Variants in ANKRD24 observed in about 807,000 individuals in gnomAD.
ANKRD24 encodes the protein ankyrin repeat domain 24.
Under a neutral mutation model 127.8 loss-of-function variants are expected in ANKRD24, and 109 were observed. That is an observed-to-expected ratio of 0.85 (90% CI 0.73 to 1.00). ANKRD24 has a LOEUF of 1.00. Ranked by LOEUF, ANKRD24 falls within the 50% of genes least tolerant of loss-of-function variation. ANKRD24 has a pLI of 0.00. For synonymous variants in ANKRD24, 743 were observed against 671.1 expected (o/e 1.11, Z -1.66); for missense variants, 1,648 against 1,570.2 (o/e 1.05, Z -0.84).
In ANKRD24 at chr19:4,218,145, C is replaced by G. The variant is rs765503995; in HGVS notation, c.2985C>G (p.Thr995=). 1 of 1,525,616 alleles carries G rather than the reference C, an allele frequency of 6.6e-7. No homozygotes were observed. The highest frequency in any genetic ancestry group is 8.8e-7 in the Non-Finnish European group (1 of 1,137,136). The allele number at this position is 1,525,616 out of a possible 1,614,324, so 94.5% of individuals were successfully genotyped here. The change falls in exon 18 of 22, where the codon ACC becomes ACG. Residue 995 remains threonine (T), a synonymous_variant. Coordinates refer to ENST00000318934, the MANE Select transcript of ANKRD24 (RefSeq NM_001393985.1). ...AGCTGGGACGGCGGCATGAGAAGAC[C>G]AGCGCAGAGGTCTTCCAGGTGAGCA... ...LEELGRRHEK[T]SAEVFQVQRE...
chr19:4,220,512 A>G (rs116820744), intron 19 of ANKRD24, among the ~76,000 whole-genome samples: 6,172 of 152,220 alleles, frequency 0.041, 324 homozygotes, highest in African/African-American at 0.13. Context: ...AACAGCCTCC[A>G]GGTGTTAGAT....
intron 7 of ANKRD24, 63 bp from the exon 8 acceptor site, chr19:4,207,179 C>A: frequency 6.8e-7 from 1 of 1,479,874 alleles, no homozygotes; most frequent in Non-Finnish European, 9.4e-7. Flanking sequence ...CTGCCTTGGC[C>A]TCCCAAGGTG....
Position 4,198,233 on chromosome 19 carries a change from G to C in ANKRD24, c.37-1450G>C. Reference sequence around the variant, plus strand: ...CGACAAGGTCAGGAGGGGCCGGGGCGGCGCCCCTTCCCTCAGCCCCCAGCC... The same window carrying C: ...CGACAAGGTCAGGAGGGGCCGGGGCCGCGCCCCTTCCCTCAGCCCCCAGCC... On this transcript the variant is annotated intron_variant, in intron 2 of 21. Transcript: ENST00000318934. The surrounding 1 kb of genome is among the most constrained non-coding windows in gnomAD (Gnocchi z 6.1). The C allele has an allele frequency of 2.0e-6, 1 of 509,588 alleles. No homozygotes were observed. The allele number at this position is 509,588 out of a possible 1,614,324, so 31.6% of individuals were successfully genotyped here.
chr19:4,209,909 A>T (rs1969610212), intron 11 of ANKRD24, 149 bp from the exon 12 acceptor site: 1 of 584,476 alleles, frequency 1.7e-6, no homozygotes, highest in East Asian at 2.8e-5. Context: ...CTTTGCTGGG[A>T]TAAGTAAGCG....
Position 4,198,745 on chromosome 19 carries a change from CTT to C in ANKRD24, c.37-936_37-935del, listed in dbSNP as rs1968920567. Among the ~76,000 whole-genome samples, 2 of 152,102 alleles carry C rather than the reference CTT, an allele frequency of 1.3e-5. No individual in the cohort carries two copies. Among genetic ancestry groups the C allele is most frequent in the African/African-American group, 4.8e-5 (2 of 41,424 alleles). ...ACATGTGGACACGTTTTGGAAGACT[CTT>C]TGAAACAAATGGGGACATTTAGGAA... On this transcript the variant is annotated intron_variant, in intron 2 of 21. Coordinates refer to ENST00000318934, the MANE Select transcript of ANKRD24 (RefSeq NM_001393985.1). The surrounding 1 kb of genome is among the most constrained non-coding windows in gnomAD (Gnocchi z 6.1).
intron 15 of ANKRD24, among the ~76,000 whole-genome samples, chr19:4,215,465 C>CAA (rs61437900): frequency 1.4e-4 from 16 of 116,914 alleles, no homozygotes; most frequent in African/African-American, 5.6e-4. Flanking sequence ...AGCCTGGGGG[C>CAA]AAAAAAAAAA....
At chr19:4,200,051 C>T in intron 4 of ANKRD24, 32 bp from the exon 5 acceptor site, 2 of 1,570,134 alleles carry the variant, frequency 1.3e-6, no homozygotes, top group Non-Finnish European at 1.7e-6. Context: ...GGGTGGCAAC[C>T]TTGCGGCTGA....
intron 2 of ANKRD24, among the ~76,000 whole-genome samples, chr19:4,190,425 A>G (rs7343066): frequency 1.4e-3 from 181 of 133,230 alleles, no homozygotes; most frequent in African/African-American, 4.2e-3. Context: ...CTCCGTCTCG[A>G]AAAAAAAAAA....
intron 15 of ANKRD24, among the ~76,000 whole-genome samples, chr19:4,214,746 C>T (rs1459041873): frequency 1.3e-5 from 2 of 152,058 alleles, no homozygotes; most frequent in Non-Finnish European, 1.5e-5. Context: ...CCCAGCTACT[C>T]GGGAGGCTAA....
At position 4,216,996 on chromosome 19, in the gene ANKRD24, A is replaced by G. The variant is rs189604473; in HGVS notation, c.1836A>G (p.Thr612=). The G allele has an allele frequency of 6.2e-7, 1 of 1,613,532 alleles. No homozygotes were observed. Among genetic ancestry groups the G allele is most frequent in the East Asian group, 2.2e-5 (1 of 44,876 alleles). The part of the protein sequence containing the change: ...TGAEVREMET[T]EEEANMETKP... ...CTGAGGTCAGAGAAATGGAGACCAC[A>G]GAAGAAGAAGCAAACATGGAAACTA... The change falls in exon 18 of 22, where the codon ACA becomes ACG. Residue 612 remains threonine (T), a synonymous_variant. Transcript: ENST00000318934.
Position 4,198,432 on chromosome 19 carries a change from C to T in ANKRD24, c.37-1251C>T, listed in dbSNP as rs1462635079. 4 of 593,356 alleles carry T rather than the reference C, an allele frequency of 6.7e-6. No individual in the cohort carries two copies. The highest frequency in any genetic ancestry group is 9.1e-6 in the Non-Finnish European group (3 of 330,342). 36.8% of individuals were successfully genotyped at this position (593,356 alleles called of 1,614,324 possible). ...GCCGCTCCCCGCGGTCCCTCCAGAC[C>T]CTCTGGCCGCCGCCTCCTCTTGGAA... is the stretch of plus-strand genomic sequence containing the variant. On this transcript the variant is annotated intron_variant, in intron 2 of 21. Transcript: ENST00000318934. This position sits in a 1 kb window ranked among gnomAD's most constrained non-coding sequence, Gnocchi z 6.1.
rs751759922 is a variant in ANKRD24 at position 4,224,135 on chromosome 19, C to T, written c.3306C>T (p.Ala1102=). The change falls in exon 21 of 22, where the codon GCC becomes GCT. Residue 1102 remains alanine (A), a synonymous_variant. Coordinates refer to ENST00000318934, the MANE Select transcript of ANKRD24 (RefSeq NM_001393985.1). The part of the protein sequence containing the change: ...KDLQQQLQEA[A]RDHSSVVALY... ...CTTCCTCATGCCCACAGGAAGCTGC[C>T]AGGGACCACTCCAGCGTGGTGGCTT... is the stretch of plus-strand genomic sequence containing the variant. 5.5e-5 allele frequency: 89 copies of T among 1,612,726 alleles called. 1 individual carries two copies. The South Asian group carries it at 9.5e-4, about 17-fold the overall frequency.
Position 4,210,117 on chromosome 19 carries a change from TC to T in ANKRD24, c.933del (p.Ala312ProfsTer16). On this transcript the variant is annotated frameshift_variant, in exon 12 of 22. Coordinates refer to ENST00000318934, the MANE Select transcript of ANKRD24 (RefSeq NM_001393985.1). LOFTEE classifies it high-confidence loss of function. ...CCAAGAAGCGGAAGGCGCCTCCACC[TC>T]CCGCCAGCATTCCCATGCCGGTGAG... ...APKKRKAPPPPASIPMPDDRD... is the reference protein window; with the variant it reads ...APKKRKAPPPXASIPMPDDRD... The T allele has an allele frequency of 6.2e-7, 1 of 1,609,834 alleles. No individual in the cohort carries two copies.
intron 7 of ANKRD24, among the ~76,000 whole-genome samples, chr19:4,204,363 G>A (rs972996484): frequency 4.6e-5 from 7 of 152,290 alleles, no homozygotes; most frequent in African/African-American, 1.7e-4. Context: ...GCACAGATGA[G>A]GCTTGATGAG....
intron 13 of ANKRD24, among the ~76,000 whole-genome samples, chr19:4,212,049 A>C (rs1340653315): frequency 2.6e-5 from 4 of 151,964 alleles, no homozygotes; most frequent in African/African-American, 9.7e-5. Flanking sequence ...AAATACAAAA[A>C]ATTAGCCGGG....
At chr19:4,200,042 G>A (rs1246970220) in intron 4 of ANKRD24, 37 bp downstream of exon 4, 1 of 1,568,798 alleles carries the variant, frequency 6.4e-7, no homozygotes, top group Non-Finnish European at 8.7e-7. Flanking sequence ...ATGGCTGAGG[G>A]GTGGCAACCT....
intron 19 of ANKRD24, among the ~76,000 whole-genome samples, chr19:4,222,292 G>A (rs1216240853): frequency 6.6e-6 from 1 of 152,192 alleles, no homozygotes; most frequent in Non-Finnish European, 1.5e-5. Context: ...AGGAGGCTGA[G>A]GCAGGAGAAT....
At chr19:4,194,307 C>A (rs781685875) in intron 2 of ANKRD24, among the ~76,000 whole-genome samples, 22 of 152,260 alleles carry the variant, frequency 1.4e-4, no homozygotes, top group Admixed American at 3.3e-4. Flanking sequence ...CGTGCACCAC[C>A]GTGCCCAGCT....
chr19:4,222,181 G>A (rs1970477038), intron 19 of ANKRD24, among the ~76,000 whole-genome samples: 1 of 152,190 alleles, frequency 6.6e-6, no homozygotes, highest in Admixed American at 6.6e-5. Flanking sequence ...CTGAGGTCAG[G>A]AGTTCAAGAC....
Sources: allele counts gnomAD v4.1 joint callset (sites outside exome capture counted in the v4.1 genomes callset), GRCh38; gene constraint gnomAD v4.1.1; non-coding constraint Gnocchi (gnomAD v3.1); transcripts MANE v1.5; gene names NCBI Gene and HGNC (gene_info 2026-07-23, HGNC 2026-07-21).